TMX4: variants seen among roughly 807,000 people sequenced by gnomAD.
TMX4 encodes the protein thioredoxin-related transmembrane protein 4.
Under a neutral mutation model 33.3 loss-of-function variants are expected in TMX4, and 23 were observed. The ratio of observed to expected loss-of-function variants is 0.69; its 90% confidence interval spans 0.50 to 0.98. The LOEUF is 0.98. Among genes scored for constraint, TMX4 ranks in the 50% least tolerant of loss-of-function variants. The pLI is 0.00. For synonymous variants in TMX4, 164 were observed against 161.5 expected (o/e 1.02, Z -0.12); for missense variants, 399 against 448.9 (o/e 0.89, Z 1.01).
intron 1 of TMX4, among the ~76,000 whole-genome samples, chr20:8,016,350 C>T (rs1056652995): frequency 4.6e-5 from 7 of 151,872 alleles, no homozygotes; most frequent in African/African-American, 1.2e-4. Flanking sequence ...CCAGCCTGGG[C>T]GACAAAGTGA....
intron 1 of TMX4, among the ~76,000 whole-genome samples, chr20:8,017,686 G>C (rs2050781824): frequency 6.6e-6 from 1 of 152,146 alleles, no homozygotes; most frequent in African/African-American, 2.4e-5. Flanking sequence ...CTAGGAAAAA[G>C]TCCATTTTGT....
intron 1 of TMX4, among the ~76,000 whole-genome samples, chr20:8,017,498 T>A (rs2050780898): frequency 6.6e-6 from 1 of 152,232 alleles, no homozygotes; most frequent in Admixed American, 6.5e-5. Context: ...GCACAGATGT[T>A]GTTGGCTCTC....
At chr20:8,000,459 G>A (rs928858835) in intron 3 of TMX4, among the ~76,000 whole-genome samples, 4 of 152,076 alleles carry the variant, frequency 2.6e-5, no homozygotes, top group African/African-American at 4.8e-5. Flanking sequence ...CCTAAGTGCC[G>A]TATCCATTTC....
At chr20:8,003,516 C>T (rs1409462013) in intron 2 of TMX4, among the ~76,000 whole-genome samples, 3 of 152,046 alleles carry the variant, frequency 2.0e-5, no homozygotes, top group African/African-American at 7.2e-5. Context: ...TCATAAAACA[C>T]ATTTAATTAT....
At chr20:7,992,908 T>C (rs997916043) in intron 5 of TMX4, among the ~76,000 whole-genome samples, 2 of 152,082 alleles carry the variant, frequency 1.3e-5, no homozygotes, top group African/African-American at 4.8e-5. Flanking sequence ...CAGAAGAAAA[T>C]AGAAGTTATA....
At chr20:8,015,467 T>C (rs2050771020) in intron 1 of TMX4, among the ~76,000 whole-genome samples, 1 of 152,226 alleles carries the variant, frequency 6.6e-6, no homozygotes. Context: ...GAAGCACTGA[T>C]GAATGTCCAA....
At chr20:8,010,179 T>C in intron 2 of TMX4, 21 bp downstream of exon 2, 6 of 1,583,518 alleles carry the variant, frequency 3.8e-6, no homozygotes, top group Non-Finnish European at 5.2e-6. Context: ...TTTTGCATTT[T>C]ATGTGCAACA....
At chr20:8,004,812 A>G (rs1321051895) in intron 2 of TMX4, among the ~76,000 whole-genome samples, 1 of 152,122 alleles carries the variant, frequency 6.6e-6, no homozygotes, top group Non-Finnish European at 1.5e-5. Flanking sequence ...ATGTTACTAA[A>G]CCTATCCTAG....
intron 7 of TMX4, 122 bp downstream of exon 7, chr20:7,983,672 T>G: frequency 3.3e-6 from 2 of 604,060 alleles, no homozygotes; most frequent in Non-Finnish European, 2.8e-6. Flanking sequence ...TTTAAGAAAT[T>G]TGGTAGTGAT....
intron 4 of TMX4, 39 bp from the exon 5 acceptor site, chr20:7,996,110 T>A (rs1207869340): frequency 6.5e-7 from 1 of 1,546,210 alleles, no homozygotes; most frequent in East Asian, 2.3e-5. Context: ...TGATCATATA[T>A]ACTATAAAAA....
chr20:7,983,925 G>A, intron 6 of TMX4, 68 bp from the exon 7 acceptor site: 5 of 1,216,084 alleles, frequency 4.1e-6, no homozygotes, highest in Non-Finnish European at 6.0e-6. Context: ...CTCAAAATTA[G>A]GCCTTGCTTC....
At chr20:7,990,334 C>T (rs1219499071) in intron 5 of TMX4, among the ~76,000 whole-genome samples, 2 of 151,932 alleles carry the variant, frequency 1.3e-5, no homozygotes, top group African/African-American at 4.8e-5. Context: ...TGAAAATGCA[C>T]TAAAATGTCA....
chr20:8,017,776 A>G (rs1032918129), intron 1 of TMX4, among the ~76,000 whole-genome samples: 1 of 152,102 alleles, frequency 6.6e-6, no homozygotes, highest in Non-Finnish European at 1.5e-5. Context: ...AATTATTACA[A>G]ACATGGAAGT....
At chr20:7,989,243 A>G (rs1269724389) in intron 5 of TMX4, among the ~76,000 whole-genome samples, 1 of 152,146 alleles carries the variant, frequency 6.6e-6, no homozygotes, top group Admixed American at 6.5e-5. Context: ...GAATTAGAAG[A>G]TGGTCAAAGT....
chr20:7,986,872 G>A (rs1406330904), intron 6 of TMX4, among the ~76,000 whole-genome samples: 2 of 151,630 alleles, frequency 1.3e-5, no homozygotes, highest in East Asian at 3.9e-4. Context: ...TGGAGGATAA[G>A]AACAACAACA....
chr20:7,991,369 T>C (rs191788869), intron 5 of TMX4, among the ~76,000 whole-genome samples: 2 of 152,376 alleles, frequency 1.3e-5, no homozygotes, highest in African/African-American at 4.8e-5. Context: ...CAAAAGCATA[T>C]ACAGGTTGAG....
chr20:7,997,224 T>C (rs2050680075), intron 4 of TMX4, among the ~76,000 whole-genome samples: 1 of 152,080 alleles, frequency 6.6e-6, no homozygotes, highest in Non-Finnish European at 1.5e-5. Context: ...TTCTAGGTGT[T>C]CCCCTCACCT....
chr20:7,982,211 T>C lies in TMX4; in HGVS notation c.*40A>G, dbSNP rs569854399. ...ACTGCAGGCCAAAGGGAAGCTGACATATTGTTTTGGTGTGTATTCTTGAAA... is the reference window on the plus strand; with the variant it reads ...ACTGCAGGCCAAAGGGAAGCTGACACATTGTTTTGGTGTGTATTCTTGAAA... On this transcript the variant is annotated 3_prime_UTR_variant, in exon 8 of 8. Coordinates refer to ENST00000246024, the MANE Select transcript of TMX4 (RefSeq NM_021156.4). 6.4e-7 allele frequency: 1 copy of C among 1,573,388 alleles called. No homozygotes were observed. The highest frequency in any genetic ancestry group is 1.4e-5 in the African/African-American group (1 of 73,834).
chr20:7,986,162 G>C (rs2050630191), intron 6 of TMX4, among the ~76,000 whole-genome samples: 2 of 152,086 alleles, frequency 1.3e-5, no homozygotes, highest in African/African-American at 2.4e-5. Context: ...GGGAGCAATG[G>C]GGACATGTTA....
Sources: allele counts gnomAD v4.1 joint callset (sites outside exome capture counted in the v4.1 genomes callset), GRCh38; gene constraint gnomAD v4.1.1; transcripts MANE v1.5; gene names NCBI Gene and HGNC (gene_info 2026-07-23, HGNC 2026-07-21).